The following FBRSL1 variants were observed in gnomAD, a reference collection of about 807,000 sequenced individuals.
FBRSL1 encodes the protein fibrosin-1-like protein.
FBRSL1 carries 51 observed loss-of-function variants against 89.6 expected under a neutral mutation model. The observed-to-expected ratio is 0.57, with a 90% confidence interval of 0.45 to 0.72. FBRSL1 has a LOEUF of 0.72. FBRSL1 is among the 30% of genes least tolerant of loss of function. The pLI is 0.00. For synonymous variants in FBRSL1, 779 were observed against 681.1 expected (o/e 1.14, Z -2.24); for missense variants, 1,618 against 1,451.8 (o/e 1.11, Z -1.86).
At chr12:132,494,323 TC>T (rs1456882742) in intron 1 of FBRSL1, among the ~76,000 whole-genome samples, 1 of 152,054 alleles carries the variant, frequency 6.6e-6, no homozygotes, top group Non-Finnish European at 1.5e-5. Context: ...CTGCCTGGGG[TC>T]CTCCCAAGAA....
chr12:132,550,349 ACT>A lies in FBRSL1; in HGVS notation c.645+2318_645+2319del, dbSNP rs2038052482. Reference sequence around the variant, plus strand: ...GACGGAGAAGGCAGCTCCGCCAAACACTGAGTCCCCGTGATGGTGGCTCCTTC... The same window carrying A: ...GACGGAGAAGGCAGCTCCGCCAAACAGAGTCCCCGTGATGGTGGCTCCTTC... On this transcript the variant is annotated intron_variant, in intron 5 of 18. Coordinates refer to ENST00000680143, the MANE Select transcript of FBRSL1 (RefSeq NM_001367871.1). Among the ~76,000 whole-genome samples the A allele has an allele frequency of 2.0e-5, 3 of 151,938 alleles. No individual in the cohort carries two copies. In the South Asian group the frequency reaches 6.2e-4, roughly 32 times the overall value.
rs912674721 is a variant in FBRSL1 at position 132,512,051 on chromosome 12, T to C, written c.489+3701T>C. 4.5e-5 allele frequency: 44 copies of C among 977,542 alleles called. No homozygotes were observed. In the Admixed American group the frequency reaches 2.4e-3, roughly 53 times the overall value. The allele number at this position is 977,542 out of a possible 1,614,324, so 60.6% of individuals were successfully genotyped here. ...GGGCTTGGCTCGGGATTCATTGCAC[T>C]CTGACCGAACAGAGGGGAGACCTGG... is the stretch of plus-strand genomic sequence containing the variant. On this transcript the variant is annotated intron_variant, in intron 2 of 18. Coordinates refer to ENST00000680143, the MANE Select transcript of FBRSL1 (RefSeq NM_001367871.1).
intron 4 of FBRSL1, among the ~76,000 whole-genome samples, chr12:132,537,858 C>T (rs1427932043): frequency 6.6e-6 from 1 of 152,180 alleles, no homozygotes; most frequent in African/African-American, 2.4e-5. Context: ...ACAGACAAGA[C>T]CATGGATAAC....
At chr12:132,508,988 C>A (rs554834409) in intron 2 of FBRSL1, among the ~76,000 whole-genome samples, 1 of 152,164 alleles carries the variant, frequency 6.6e-6, no homozygotes, top group African/African-American at 2.4e-5. Context: ...CGCGGGGGTC[C>A]GCTGGTGTGC....
chr12:132,534,273 G>T (rs369669301), intron 4 of FBRSL1, among the ~76,000 whole-genome samples: 2 of 152,232 alleles, frequency 1.3e-5, no homozygotes, highest in Admixed American at 1.3e-4. Flanking sequence ...CGCCACGTGC[G>T]TTGTCGGGCC....
chr12:132,581,431 C>CA lies in FBRSL1; in HGVS notation c.1835-8_1835-7insA. 1 of 1,550,924 alleles carries CA rather than the reference C, an allele frequency of 6.4e-7. No homozygotes were observed. The highest frequency in any genetic ancestry group is 8.7e-7 in the Non-Finnish European group (1 of 1,146,914). On this transcript the variant is annotated splice_polypyrimidine_tract_variant and splice_region_variant and intron_variant, in intron 15 of 18. Coordinates refer to ENST00000680143, the MANE Select transcript of FBRSL1 (RefSeq NM_001367871.1). ...CTGGCTTCTGTCAAACCTGGCTGCCCCCCCCAGGTGCCGCCCATCCTGCCT... is the reference window on the plus strand; with the variant it reads ...CTGGCTTCTGTCAAACCTGGCTGCCCACCCCCAGGTGCCGCCCATCCTGCCT...
At chr12:132,523,982 G>A (rs1227728082) in intron 2 of FBRSL1, among the ~76,000 whole-genome samples, 1 of 152,222 alleles carries the variant, frequency 6.6e-6, no homozygotes, top group Non-Finnish European at 1.5e-5. Flanking sequence ...AGGAGAGGTT[G>A]TGAGAGTCCA....
intron 1 of FBRSL1, among the ~76,000 whole-genome samples, chr12:132,503,855 G>A (rs2033341018): frequency 6.6e-6 from 1 of 152,190 alleles, no homozygotes; most frequent in African/African-American, 2.4e-5. Flanking sequence ...TGACGAAGGT[G>A]TGAGCCAACA....
In FBRSL1 at chr12:132,583,833, T is replaced by A; in HGVS notation, c.*55T>A. 1 of 1,056,668 alleles carries A rather than the reference T, an allele frequency of 9.5e-7. No individual in the cohort carries two copies. Among genetic ancestry groups the A allele is most frequent in the Non-Finnish European group, 1.2e-6 (1 of 846,608 alleles). 65.5% of individuals were successfully genotyped at this position (1,056,668 alleles called of 1,614,324 possible). A position where few individuals can be genotyped will look rare whatever the true frequency, so the allele number is the denominator to read the frequency against. On this transcript the variant is annotated 3_prime_UTR_variant, in exon 19 of 19. Coordinates refer to ENST00000680143, the MANE Select transcript of FBRSL1 (RefSeq NM_001367871.1). Reference sequence around the variant, plus strand: ...GAGCGCACCGCTGTCCGTCTCTCCATCAGTTCCTAGAACTCAAGCACAGCT... The same window carrying A: ...GAGCGCACCGCTGTCCGTCTCTCCAACAGTTCCTAGAACTCAAGCACAGCT...
chr12:132,533,649 C>T (rs1025527744), intron 4 of FBRSL1, among the ~76,000 whole-genome samples: 3 of 152,262 alleles, frequency 2.0e-5, no homozygotes, highest in African/African-American at 2.4e-5. Flanking sequence ...CATCCATGCA[C>T]TTACCACCTG....
intron 3 of FBRSL1, 26 bp from the exon 4 acceptor site, chr12:132,527,927 T>G: frequency 6.4e-7 from 1 of 1,550,906 alleles, no homozygotes; most frequent in Non-Finnish European, 8.7e-7. Context: ...GCAGCCTCAC[T>G]GACTGTCCCC....
chr12:132,548,197 G>A (rs2037860397), intron 5 of FBRSL1, among the ~76,000 whole-genome samples, 165 bp downstream of exon 5: 1 of 152,148 alleles, frequency 6.6e-6, no homozygotes, highest in Admixed American at 6.5e-5. Context: ...GTATGGGGGT[G>A]CTGGCCTCTC....
chr12:132,543,489 G>GAGCT (rs2037433801), intron 4 of FBRSL1, among the ~76,000 whole-genome samples: 1 of 152,200 alleles, frequency 6.6e-6, no homozygotes, highest in Non-Finnish European at 1.5e-5. Flanking sequence ...AACCCACAGG[G>GAGCT]AGCTGTCAGG....
At position 132,510,282 on chromosome 12, in the gene FBRSL1, C is replaced by T. The variant is rs2034185650; in HGVS notation, c.489+1932C>T. ...ACCCTGCCGGCCTCTCCTGGGGCTC[C>T]TGTGCCAGCCGCGGCGGTCCCTATT... On this transcript the variant is annotated intron_variant, in intron 2 of 18. Transcript: ENST00000680143. The T allele has an allele frequency of 2.4e-6, 3 of 1,230,366 alleles. No homozygotes were observed. In the East Asian group the frequency reaches 9.5e-5, roughly 39 times the overall value. 76.2% of individuals were successfully genotyped at this position (1,230,366 alleles called of 1,614,324 possible).
chr12:132,521,151 TC>T (rs368664337), intron 2 of FBRSL1, among the ~76,000 whole-genome samples: 210 of 152,128 alleles, frequency 1.4e-3, no homozygotes, highest in Middle Eastern at 3.4e-3. Flanking sequence ...TCCTGAAAGC[TC>T]CCCGAGGGAG....
intron 4 of FBRSL1, among the ~76,000 whole-genome samples, chr12:132,529,732 A>ACAACCCTGGGCTCTTCTCTG (rs1566149699): frequency 7.0e-6 from 1 of 142,148 alleles, no homozygotes; most frequent in African/African-American, 2.7e-5. Flanking sequence ...CCTGGGCTCT[A>ACAACCCTGGGCTCTTCTCTG]CCACCCTGGG....
chr12:132,560,542 G>C (rs563631309), intron 5 of FBRSL1, among the ~76,000 whole-genome samples: 1 of 152,112 alleles, frequency 6.6e-6, no homozygotes, highest in Non-Finnish European at 1.5e-5. Context: ...TCGGCCACCC[G>C]GGTTCCCGGC....
intron 5 of FBRSL1, chr12:132,551,196 C>A: frequency 2.8e-6 from 1 of 355,464 alleles, no homozygotes; most frequent in Non-Finnish European, 5.6e-6. Flanking sequence ...TGCCCAGAGC[C>A]CCTCAGCAGC....
chr12:132,571,263 G>A (rs1480432036), intron 9 of FBRSL1, 32 bp downstream of exon 9: 65 of 1,482,262 alleles, frequency 4.4e-5, no homozygotes, highest in Non-Finnish European at 5.5e-5. Flanking sequence ...CCGGGAGCCC[G>A]CGGCCAACGT....
Sources: gnomAD v4.1 joint callset for allele counts (sites outside exome capture counted in the v4.1 genomes callset) on GRCh38, gnomAD v4.1.1 for gene constraint, MANE v1.5 for transcripts, NCBI Gene and HGNC (gene_info 2026-07-23, HGNC 2026-07-21) for gene names.